ESR1: variants seen among roughly 807,000 people sequenced by gnomAD.
ESR1 encodes estrogen receptor 1.
In ESR1, 12 loss-of-function variants were observed where a neutral mutation model predicts 52.7. That is an observed-to-expected ratio of 0.23 (90% confidence interval 0.15 to 0.37). The LOEUF is 0.37. Among genes scored for constraint, ESR1 ranks in the 10% least tolerant of loss-of-function variants. The pLI is 1.00. For synonymous variants in ESR1, 305 were observed against 316.8 expected, an observed-to-expected ratio of 0.96 and a Z score of 0.39; for missense variants, 584 against 779.7, an observed-to-expected ratio of 0.75 and a Z score of 2.99.
chr6:151,660,155 T>A (rs1386893398), intron 1 of ESR1, among the ~76,000 whole-genome samples: 1 of 152,174 alleles, frequency 6.6e-6, no homozygotes, highest in Non-Finnish European at 1.5e-5. Context: ...TATAGGAAAA[T>A]GTAAAATTCC....
At chr6:151,742,242 G>A (rs1783153306) in intron 2 of ESR1, among the ~76,000 whole-genome samples, 1 of 152,130 alleles carries the variant, frequency 6.6e-6, no homozygotes, top group African/African-American at 2.4e-5. Context: ...TCTTTACGAG[G>A]TGGTGATTTC....
intron 5 of ESR1, among the ~76,000 whole-genome samples, chr6:152,045,381 A>G (rs1366413207): frequency 6.6e-6 from 1 of 152,210 alleles, no homozygotes; most frequent in Non-Finnish European, 1.5e-5. Flanking sequence ...GTGAGAATCA[A>G]CCAGGGCATG....
At position 151,876,641 on chromosome 6, in the gene ESR1, T is replaced by C. The variant is rs576783334; in HGVS notation, c.644-4014T>C. Reference sequence around the variant, plus strand: ...AAGGGAAGCTTGGGGAAAAGCTGAATGTGGGTCCTTCTGTTGCTGCAGGGG... The same window carrying C: ...AAGGGAAGCTTGGGGAAAAGCTGAACGTGGGTCCTTCTGTTGCTGCAGGGG... On this transcript the variant is annotated intron_variant, in intron 2 of 7. Transcript: ENST00000206249. Among the ~76,000 whole-genome samples the C allele has an allele frequency of 7.2e-5, 11 of 152,228 alleles. No homozygotes were observed. The East Asian group carries it at 1.7e-3, about 24-fold the overall frequency.
chr6:151,764,069 T>C (rs1437379826), intron 2 of ESR1, among the ~76,000 whole-genome samples: 1 of 152,096 alleles, frequency 6.6e-6, no homozygotes, highest in Non-Finnish European at 1.5e-5. Flanking sequence ...GTGGCTCTCC[T>C]GTCTCTGGCT....
At chr6:151,822,049 G>A (rs1780642502) in intron 1 of ESR1, among the ~76,000 whole-genome samples, 1 of 151,986 alleles carries the variant, frequency 6.6e-6, no homozygotes, top group Non-Finnish European at 1.5e-5. Context: ...ATATTTATCA[G>A]GATAGAATTT....
intron 4 of ESR1, among the ~76,000 whole-genome samples, chr6:151,953,498 G>A (rs561496850): frequency 5.3e-5 from 8 of 152,130 alleles, no homozygotes; most frequent in South Asian, 4.2e-4. Flanking sequence ...TGAGGTGGGC[G>A]GATCACGAGG....
At chr6:151,664,519 A>G (rs897828103) in intron 1 of ESR1, among the ~76,000 whole-genome samples, 4 of 152,232 alleles carry the variant, frequency 2.6e-5, no homozygotes, top group African/African-American at 9.6e-5. Flanking sequence ...GAAAAATACC[A>G]GACACAGATA....
At chr6:151,914,657 T>G (rs780165541) in intron 3 of ESR1, among the ~76,000 whole-genome samples, 2 of 152,224 alleles carry the variant, frequency 1.3e-5, no homozygotes, top group African/African-American at 4.8e-5. Flanking sequence ...TGCTAATCTT[T>G]TGTCAGTCCC....
intron 1 of ESR1, among the ~76,000 whole-genome samples, chr6:151,838,253 G>A (rs1490465158): frequency 1.3e-5 from 2 of 152,214 alleles, no homozygotes; most frequent in East Asian, 1.9e-4. Context: ...CTTAGACATG[G>A]TATAGGCACT....
intron 2 of ESR1, among the ~76,000 whole-genome samples, chr6:151,779,693 T>C (rs1786347069): frequency 1.3e-5 from 2 of 152,126 alleles, no homozygotes; most frequent in Admixed American, 1.3e-4. Flanking sequence ...CAAAGGATTA[T>C]AAATCATTCT....
At chr6:151,878,352 T>C (rs1022503828) in intron 2 of ESR1, among the ~76,000 whole-genome samples, 7 of 152,228 alleles carry the variant, frequency 4.6e-5, no homozygotes, top group African/African-American at 1.4e-4. Flanking sequence ...GTGTGTGGTC[T>C]TTTACTGAAG....
chr6:152,060,781 A>G (rs1300264361), intron 5 of ESR1, among the ~76,000 whole-genome samples: 1 of 152,182 alleles, frequency 6.6e-6, no homozygotes, highest in East Asian at 1.9e-4. Context: ...TTGAAATGAG[A>G]ATGTTTTATT....
chr6:152,002,613 A>C (rs2042043601), intron 4 of ESR1, among the ~76,000 whole-genome samples: 1 of 152,070 alleles, frequency 6.6e-6, no homozygotes, highest in Admixed American at 6.6e-5. Context: ...TTAAAAGGGC[A>C]GTCTTAAGTA....
chr6:152,009,216 C>T (rs1018804789), intron 4 of ESR1, among the ~76,000 whole-genome samples: 1 of 152,072 alleles, frequency 6.6e-6, no homozygotes, highest in African/African-American at 2.4e-5. Flanking sequence ...CCAAGTCCTT[C>T]TTTACATGAG....
intron 1 of ESR1, among the ~76,000 whole-genome samples, chr6:151,692,394 C>G (rs1443065892): frequency 6.6e-6 from 1 of 152,174 alleles, no homozygotes; most frequent in African/African-American, 2.4e-5. Context: ...GGCTGACGGC[C>G]TGGTGGTTGA....
At chr6:152,001,384 T>G (rs538402076) in intron 4 of ESR1, among the ~76,000 whole-genome samples, 2 of 152,148 alleles carry the variant, frequency 1.3e-5, no homozygotes, top group African/African-American at 2.4e-5. Context: ...TAACTCACTT[T>G]GTAACTATGA....
At chr6:152,085,503 G>A (rs1475817223) in intron 6 of ESR1, among the ~76,000 whole-genome samples, 2 of 152,096 alleles carry the variant, frequency 1.3e-5, no homozygotes, top group African/African-American at 2.4e-5. Context: ...AATGGGGAGA[G>A]TCGTCAACCA....
chr6:151,771,423 T>C (rs1463022553), intron 2 of ESR1, among the ~76,000 whole-genome samples: 1 of 152,228 alleles, frequency 6.6e-6, no homozygotes, highest in Non-Finnish European at 1.5e-5. Context: ...TATAACCTGT[T>C]GAAAATTTAG....
At chr6:152,012,083 A>G (rs1456476179) in intron 5 of ESR1, among the ~76,000 whole-genome samples, 3 of 151,016 alleles carry the variant, frequency 2.0e-5, no homozygotes, top group African/African-American at 7.3e-5. Flanking sequence ...GTCATTATGA[A>G]TGGTAATTTT....
Sources: allele counts gnomAD v4.1 joint callset (sites outside exome capture counted in the v4.1 genomes callset), GRCh38; gene constraint gnomAD v4.1.1; transcripts MANE v1.5; gene names NCBI Gene and HGNC (gene_info 2026-07-23, HGNC 2026-07-21).